The following CEP70 variants were observed in gnomAD, a reference collection of about 807,000 sequenced individuals.
CEP70 encodes the protein centrosomal protein 70.
Under a neutral mutation model 90.9 loss-of-function variants are expected in CEP70, and 70 were observed. The observed-to-expected ratio is 0.77, with a 90% CI of 0.64 to 0.94. CEP70 has a LOEUF of 0.94. Among genes scored for constraint, CEP70 ranks in the 40% least tolerant of loss-of-function variants. The pLI is 0.00. For synonymous variants in CEP70, 220 were observed against 228.3 expected (o/e 0.96, Z 0.33); for missense variants, 648 against 669.0 (o/e 0.97, Z 0.35).
At chr3:138,543,406 G>A (rs1312417844) in intron 6 of CEP70, among the ~76,000 whole-genome samples, 1 of 152,156 alleles carries the variant, frequency 6.6e-6, no homozygotes, top group East Asian at 1.9e-4. Flanking sequence ...GACAGCACCC[G>A]TGCTCAGCCA....
intron 3 of CEP70, 126 bp downstream of exon 3, chr3:138,572,733 T>C: frequency 1.4e-6 from 1 of 725,448 alleles, no homozygotes; most frequent in Non-Finnish European, 2.5e-6. Flanking sequence ...TTCATAGTCT[T>C]TAACCCAGCA....
At chr3:138,512,553 AT>A (rs751480121) in intron 11 of CEP70, among the ~76,000 whole-genome samples, 7 of 152,180 alleles carry the variant, frequency 4.6e-5, no homozygotes, top group Admixed American at 1.3e-4. Context: ...GGCCTGAAAG[AT>A]AATAAAAATC....
At position 138,574,080 on chromosome 3, in the gene CEP70, T is replaced by C. The variant is rs577279489; in HGVS notation, c.-5-1148A>G. 2.0e-5 allele frequency among the ~76,000 whole-genome samples: 3 copies of C among 152,072 alleles called. No individual in the cohort carries two copies. The South Asian group carries it at 6.2e-4, about 32-fold the overall frequency. On this transcript the variant is annotated intron_variant, in intron 2 of 17. Coordinates refer to ENST00000264982, the MANE Select transcript of CEP70 (RefSeq NM_024491.4). ...CAACTGAGGTACCTGGTTCATCTCG[T>C]TGGGACTGGTTGGACAGTGGGTGCA...
chr3:138,575,529 A>C lies in CEP70; in HGVS notation c.-5-2597T>G, dbSNP rs147602173. 4.8e-3 allele frequency among the ~76,000 whole-genome samples: 724 copies of C among 152,378 alleles called. 4 individuals are homozygous for C. The highest frequency in any genetic ancestry group is 0.017 in the African/African-American group (697 of 41,586). On this transcript the variant is annotated intron_variant, in intron 2 of 17. Coordinates refer to ENST00000264982, the MANE Select transcript of CEP70 (RefSeq NM_024491.4). ...GGAACCAAGCTGGAAAACACTCCTCAGGATATTATCCAGGAGAACTTCCCC... is the reference window on the plus strand; with the variant it reads ...GGAACCAAGCTGGAAAACACTCCTCCGGATATTATCCAGGAGAACTTCCCC...
intron 2 of CEP70, among the ~76,000 whole-genome samples, chr3:138,584,461 C>CAAAAAA (rs35985463): frequency 2.2e-5 from 2 of 92,114 alleles, no homozygotes; most frequent in Non-Finnish European, 2.1e-5. Flanking sequence ...AAAGACATAT[C>CAAAAAA]AAAAAAAAAA....
chr3:138,502,840 C>A lies in CEP70; in HGVS notation c.1222-1959G>T, dbSNP rs2276783. On this transcript the variant is annotated intron_variant, in intron 13 of 17. Transcript: ENST00000264982. ...GAAGTACTACCATGAGCCAGCCTAC[C>A]GTGTACGTCTGGCCTCTGAAGCACT... Among the ~76,000 whole-genome samples the A allele has an allele frequency of 2.6e-4, 40 of 152,220 alleles. No homozygotes were observed. The East Asian group carries it at 4.2e-3, about 16-fold the overall frequency.
intron 6 of CEP70, among the ~76,000 whole-genome samples, chr3:138,563,559 A>G (rs1420913415): frequency 6.6e-6 from 1 of 152,208 alleles, no homozygotes; most frequent in African/African-American, 2.4e-5. Flanking sequence ...AAAACCACTC[A>G]ACTACATGGA....
intron 2 of CEP70, among the ~76,000 whole-genome samples, chr3:138,573,234 G>A (rs143206703): frequency 1.4e-3 from 214 of 152,040 alleles, no homozygotes; most frequent in African/African-American, 5.0e-3. Context: ...CCCCACCACA[G>A]AATGCATAAC....
chr3:138,504,179 A>G (rs997136022), intron 13 of CEP70, among the ~76,000 whole-genome samples: 2 of 152,156 alleles, frequency 1.3e-5, no homozygotes, highest in African/African-American at 4.8e-5. Context: ...ACTATTACTA[A>G]TTATTTTACA....
chr3:138,555,752 A>C (rs918429258), intron 6 of CEP70, among the ~76,000 whole-genome samples: 5 of 152,346 alleles, frequency 3.3e-5, no homozygotes, highest in African/African-American at 9.6e-5. Context: ...ATTATCAAAA[A>C]ATCAAAAAAC....
At chr3:138,529,142 G>A in intron 10 of CEP70, 57 bp downstream of exon 10, 1 of 1,060,324 alleles carries the variant, frequency 9.4e-7, no homozygotes, top group Admixed American at 2.2e-5. Flanking sequence ...CTTGGCCTGA[G>A]TGACAGAGTG....
intron 7 of CEP70, chr3:138,536,797 C>T (rs1055179010): frequency 6.6e-6 from 1 of 150,616 alleles, no homozygotes; most frequent in African/African-American, 2.4e-5. Flanking sequence ...TATATAGTCC[C>T]TGGTTCTTTC....
intron 11 of CEP70, among the ~76,000 whole-genome samples, chr3:138,524,931 A>T (rs1181128668): frequency 1.3e-5 from 2 of 152,204 alleles, no homozygotes; most frequent in Non-Finnish European, 2.9e-5. Flanking sequence ...CCCAAAGGAT[A>T]ATAAATCATG....
At position 138,550,485 on chromosome 3, in the gene CEP70, T is replaced by A. The variant is rs141183237; in HGVS notation, c.466-13138A>T. On this transcript the variant is annotated intron_variant, in intron 6 of 17. Coordinates refer to ENST00000264982, the MANE Select transcript of CEP70 (RefSeq NM_024491.4). ...TTCAAGCTATTCTCCTGCCTCAGCC[T>A]CCTGAGTAGCTGGGATTACAGGCAT... Among the ~76,000 whole-genome samples the A allele has an allele frequency of 1.7e-3, 255 of 152,320 alleles. 1 individual carries two copies. Among genetic ancestry groups the A allele is most frequent in the African/African-American group, 5.9e-3 (244 of 41,570 alleles).
At chr3:138,572,702 G>A (rs1042888170) in intron 3 of CEP70, among the ~76,000 whole-genome samples, 157 bp downstream of exon 3, 2 of 152,130 alleles carry the variant, frequency 1.3e-5, no homozygotes, top group Non-Finnish European at 2.9e-5. Context: ...ATATTGTGAA[G>A]TCTTAGAGTA....
chr3:138,532,658 G>T, intron 7 of CEP70, 88 bp from the exon 8 acceptor site: 1 of 1,144,480 alleles, frequency 8.7e-7, no homozygotes, highest in South Asian at 2.3e-5. Flanking sequence ...AAATTACAGT[G>T]TAAAAGTAAG....
intron 16 of CEP70, among the ~76,000 whole-genome samples, chr3:138,498,639 A>G (rs1430728970): frequency 3.3e-5 from 5 of 152,010 alleles, no homozygotes; most frequent in Non-Finnish European, 7.4e-5. Context: ...CAGCCAATAT[A>G]CAACATTCTT....
At chr3:138,540,222 C>T (rs187509289) in intron 6 of CEP70, among the ~76,000 whole-genome samples, 64 of 152,054 alleles carry the variant, frequency 4.2e-4, no homozygotes, top group East Asian at 9.7e-4. Flanking sequence ...AGGCCAGGCG[C>T]GGTGGCTCAT....
intron 6 of CEP70, among the ~76,000 whole-genome samples, chr3:138,566,250 T>C (rs770618508): frequency 6.6e-6 from 1 of 152,124 alleles, no homozygotes; most frequent in Non-Finnish European, 1.5e-5. Context: ...AGTTCAACCA[T>C]TGTGGAAGAC....
Sources: allele counts gnomAD v4.1 joint callset (sites outside exome capture counted in the v4.1 genomes callset), GRCh38; gene constraint gnomAD v4.1.1; transcripts MANE v1.5; gene names NCBI Gene and HGNC (gene_info 2026-07-23, HGNC 2026-07-21).